The following CAST variants were observed in gnomAD, a reference collection of about 807,000 sequenced individuals.
CAST encodes the protein calpastatin.
CAST carries 76 observed loss-of-function variants against 119.6 expected under a neutral mutation model. The observed-to-expected ratio is 0.64, with a 90% CI of 0.53 to 0.77. The LOEUF is 0.77. Among genes scored for constraint, CAST ranks in the 30% least tolerant of loss-of-function variants. The pLI, the probability that CAST is intolerant of heterozygous loss-of-function variation, is 0.00. For synonymous variants in CAST, 319 were observed against 331.6 expected, an observed-to-expected ratio of 0.96 and a Z score of 0.41; for missense variants, 953 against 946.5, an observed-to-expected ratio of 1.01 and a Z score of -0.09.
At chr5:96,672,185 A>G (rs890292867) in intron 1 of CAST, among the ~76,000 whole-genome samples, 4 of 152,120 alleles carry the variant, frequency 2.6e-5, no homozygotes, top group African/African-American at 9.7e-5. Flanking sequence ...ACTTTCCATT[A>G]CAGGTATATA....
At chr5:96,161,254 A>G in the CAST span, among the ~76,000 whole-genome samples, 3 of 152,100 alleles carry the variant, frequency 2.0e-5, no homozygotes, top group South Asian at 6.2e-4. Flanking sequence ...TCTTATAATT[A>G]GGCCAGTTTT....
chr5:96,385,900 CTAATAT>C, the CAST span, among the ~76,000 whole-genome samples: 1 of 152,068 alleles, frequency 6.6e-6, no homozygotes, highest in African/African-American at 2.4e-5. Flanking sequence ...TTTTGTCTTG[CTAATAT>C]AAGGCATAGC....
the CAST span, among the ~76,000 whole-genome samples, chr5:96,447,634 T>G: frequency 1.3e-5 from 2 of 152,200 alleles, no homozygotes; most frequent in African/African-American, 4.8e-5. Flanking sequence ...TGGGTTTACT[T>G]GGGAACACTT....
At chr5:96,429,700 T>C in the CAST span, among the ~76,000 whole-genome samples, 1 of 152,166 alleles carries the variant, frequency 6.6e-6, no homozygotes. Flanking sequence ...AGTGAGAACA[T>C]GCGGTATTCG....
At chr5:96,683,940 G>C (rs1011343879) in intron 2 of CAST, among the ~76,000 whole-genome samples, 8 of 152,206 alleles carry the variant, frequency 5.3e-5, no homozygotes, top group Non-Finnish European at 1.0e-4. Context: ...TGAGACCACA[G>C]TGAGAGCATC....
At chr5:96,349,139 A>ATTTTTTTTTTTTTTTTT in the CAST span, among the ~76,000 whole-genome samples, 117 of 89,596 alleles carry the variant, frequency 1.3e-3, 5 homozygotes, top group African/African-American at 3.3e-3. Context: ...CAAGGACACT[A>ATTTTTTTTTTTTTTTTT]TTTTTTTTTT....
intron 3 of CAST, among the ~76,000 whole-genome samples, chr5:96,714,082 C>T (rs1032737482): frequency 3.3e-5 from 5 of 152,206 alleles, no homozygotes; most frequent in African/African-American, 1.2e-4. Flanking sequence ...AAAATCACTG[C>T]TGTCTATTGA....
chr5:96,559,406 G>A (rs1192427238), intron 1 of CAST, among the ~76,000 whole-genome samples: 3 of 152,164 alleles, frequency 2.0e-5, no homozygotes, highest in Admixed American at 6.5e-5. Context: ...TAGGAAAGGA[G>A]GAAGTCAAAT....
intron 1 of CAST, among the ~76,000 whole-genome samples, chr5:96,537,705 C>G (rs1422154420): frequency 2.0e-5 from 3 of 152,140 alleles, no homozygotes; most frequent in East Asian, 3.9e-4. Flanking sequence ...GGGTGGATAA[C>G]TTTCTCTTCC....
the CAST span, among the ~76,000 whole-genome samples, chr5:96,339,928 G>A: frequency 9.9e-5 from 15 of 152,198 alleles, no homozygotes; most frequent in East Asian, 2.9e-3. Context: ...GGCTATAGGT[G>A]GAAAGAGACA....
intron 1 of CAST, among the ~76,000 whole-genome samples, chr5:96,592,697 A>G (rs1188303897): frequency 6.6e-6 from 1 of 151,984 alleles, no homozygotes; most frequent in Non-Finnish European, 1.5e-5. Context: ...TATTGTTCCA[A>G]TGACACTCGT....
chr5:96,323,453 C>T, the CAST span, among the ~76,000 whole-genome samples: 1 of 152,132 alleles, frequency 6.6e-6, no homozygotes, highest in Non-Finnish European at 1.5e-5. Flanking sequence ...CCTCCTGTAA[C>T]CATAAATTAT....
At chr5:96,513,893 G>T in the CAST span, among the ~76,000 whole-genome samples, 1 of 152,192 alleles carries the variant, frequency 6.6e-6, no homozygotes, top group African/African-American at 2.4e-5. Context: ...TAGGACTGTG[G>T]ATAGAATCCT....
At chr5:96,388,838 G>T in the CAST span, among the ~76,000 whole-genome samples, 1 of 151,958 alleles carries the variant, frequency 6.6e-6, no homozygotes, top group Admixed American at 6.6e-5. Context: ...TATGGAAATT[G>T]TTTTATGTAC....
chr5:96,616,751 TATAC>T (rs1208861544), intron 1 of CAST, among the ~76,000 whole-genome samples: 7,225 of 118,244 alleles, frequency 0.061, 203 homozygotes, highest in South Asian at 0.091. Flanking sequence ...TCTCTATATA[TATAC>T]ACACACACAC....
At chr5:96,412,750 A>ATTTTTTTTTTTTTTTTTTTTTTTT in the CAST span, among the ~76,000 whole-genome samples, 1 of 63,408 alleles carries the variant, frequency 1.6e-5, no homozygotes, top group African/African-American at 7.9e-5. Context: ...GGCAGCTGTG[A>ATTTTTTTTTTTTTTTTTTTTTTTT]TGTTTTTTTT....
the CAST span, among the ~76,000 whole-genome samples, chr5:96,246,049 G>A: frequency 6.6e-6 from 1 of 152,196 alleles, no homozygotes; most frequent in East Asian, 1.9e-4. Flanking sequence ...GGCACTCAGA[G>A]AACCTCTCAA....
At chr5:96,083,475 C>T in the CAST span, among the ~76,000 whole-genome samples, 13 of 152,176 alleles carry the variant, frequency 8.5e-5, no homozygotes, top group African/African-American at 2.4e-4. Context: ...CGTCCTCCCT[C>T]CCTTTCCCAG....
the CAST span, among the ~76,000 whole-genome samples, chr5:96,100,364 G>A: frequency 6.6e-6 from 1 of 152,176 alleles, no homozygotes; most frequent in Non-Finnish European, 1.5e-5. Context: ...CAGTTTACCA[G>A]CATAATGTTC....
Sources: allele counts gnomAD v4.1 joint callset (sites outside exome capture counted in the v4.1 genomes callset), GRCh38; gene constraint gnomAD v4.1.1; transcripts MANE v1.5; gene names NCBI Gene and HGNC (gene_info 2026-07-23, HGNC 2026-07-21).